Variants in TMLHE observed in about 807,000 individuals in gnomAD.
TMLHE encodes the protein trimethyllysine hydroxylase, epsilon.
A neutral mutation model predicts 25.7 loss-of-function variants in TMLHE; 18 were observed. The ratio of observed to expected loss-of-function variants is 0.70; its 90% CI spans 0.48 to 1.04. TMLHE has a LOEUF of 1.04. TMLHE is among the 50% of genes least tolerant of loss of function. The pLI is 0.00. For synonymous variants in TMLHE, 105 were observed against 97.0 expected, an observed-to-expected ratio of 1.08 and a Z score of -0.49; for missense variants, 236 against 259.0, an observed-to-expected ratio of 0.91 and a Z score of 0.61.
At position 155,532,668 on chromosome X, in the gene TMLHE, CGTGTGTGTGTGT is replaced by C. The variant is rs33944459; in HGVS notation, c.182-8048_182-8037del. Among the ~76,000 whole-genome samples the C allele has an allele frequency of 8.0e-4, 69 of 86,092 alleles. No homozygotes were observed. In the East Asian group the frequency reaches 0.014, roughly 18 times the overall value. The allele number at this position is 86,092 out of a possible 115,157, so 74.8% of individuals were successfully genotyped here. On this transcript the variant is annotated intron_variant, in intron 2 of 7. Coordinates refer to ENST00000334398, the MANE Select transcript of TMLHE (RefSeq NM_018196.4). Reference sequence around the variant, plus strand: ...GGTGTGTGGAATAATATGCAAAATTCGTGTGTGTGTGTGTGTGTGTGTGTGTGTGTGTGTGTG... The same window carrying C: ...GGTGTGTGGAATAATATGCAAAATTCGTGTGTGTGTGTGTGTGTGTGTGTG...
At chrX:155,561,876 G>A (rs1208040794) in intron 1 of TMLHE, among the ~76,000 whole-genome samples, 1 of 62,899 alleles carries the variant, frequency 1.6e-5, no homozygotes, top group African/African-American at 3.5e-5. Context: ...CCACAGCCTT[G>A]AGCAGTTCTG....
intron 3 of TMLHE, among the ~76,000 whole-genome samples, chrX:155,522,536 C>T (rs1162814694): frequency 8.9e-6 from 1 of 112,200 alleles, no homozygotes; most frequent in Non-Finnish European, 1.9e-5. Flanking sequence ...TACCCTTTTA[C>T]AGCTACATCC....
intron 1 of TMLHE, among the ~76,000 whole-genome samples, chrX:155,561,604 C>T (rs1487949728): frequency 3.2e-5 from 2 of 61,808 alleles, no homozygotes; most frequent in African/African-American, 7.2e-5. Context: ...AGTCCAAAGT[C>T]TTATCGGACA....
intron 3 of TMLHE, among the ~76,000 whole-genome samples, 196 bp from the exon 4 acceptor site, chrX:155,514,461 T>C (rs782022229): frequency 2.7e-5 from 3 of 111,359 alleles, no homozygotes; most frequent in East Asian, 5.7e-4. Context: ...TATGCATGAA[T>C]AAATGAATGA....
intron 1 of TMLHE, among the ~76,000 whole-genome samples, chrX:155,552,075 T>C (rs1379902392): frequency 2.7e-5 from 3 of 109,810 alleles, no homozygotes; most frequent in African/African-American, 1.0e-4. Context: ...TTTGCAACGC[T>C]GGCATAAACC....
At chrX:155,573,881 C>G (rs1203265215) in intron 1 of TMLHE, among the ~76,000 whole-genome samples, 4 of 91,580 alleles carry the variant, frequency 4.4e-5, no homozygotes, top group Non-Finnish European at 6.4e-5. Context: ...ATAACTAATG[C>G]TAAATGACGA....
intron 2 of TMLHE, among the ~76,000 whole-genome samples, chrX:155,542,935 G>GGT (rs781984053): frequency 0.045 from 4,834 of 107,485 alleles, 263 homozygotes; most frequent in African/African-American, 0.15. Context: ...TATTTTAAGG[G>GGT]GTGTGTGTGT....
intron 1 of TMLHE, among the ~76,000 whole-genome samples, chrX:155,557,381 G>C (rs2067464800): frequency 8.9e-6 from 1 of 111,887 alleles, no homozygotes; most frequent in Non-Finnish European, 1.9e-5. Context: ...CTCCGTTTGG[G>C]GCCCCTCACT....
chrX:155,506,331 G>A lies in TMLHE; in HGVS notation c.995+567C>T, dbSNP rs2067075775. On this transcript the variant is annotated intron_variant, in intron 6 of 7. Transcript: ENST00000334398. ...GGAGATTGAGTTGATAAGACTGGTT[G>A]TGTAATATAAGGGAGAGGGAAAAAT... Among the ~76,000 whole-genome samples, 3 of 111,399 alleles carry A rather than the reference G, an allele frequency of 2.7e-5. No individual in the cohort carries two copies. In the South Asian group the frequency reaches 1.1e-3, roughly 42 times the overall value.
intron 1 of TMLHE, among the ~76,000 whole-genome samples, chrX:155,549,720 G>A (rs781783712): frequency 9.1e-6 from 1 of 109,735 alleles, no homozygotes; most frequent in Admixed American, 9.7e-5. Context: ...TATTTTATCA[G>A]ATTTATGCTG....
intron 2 of TMLHE, among the ~76,000 whole-genome samples, chrX:155,536,566 C>T (rs782481461): frequency 1.8e-5 from 2 of 111,564 alleles, no homozygotes; most frequent in East Asian, 5.6e-4. Context: ...TGACTGGAAT[C>T]CATTCTTGCC....
At chrX:155,536,524 T>C (rs1443472433) in intron 2 of TMLHE, among the ~76,000 whole-genome samples, 1 of 111,807 alleles carries the variant, frequency 8.9e-6, no homozygotes, top group East Asian at 2.8e-4. Flanking sequence ...CCCCTCATTT[T>C]AGTTAAGTTG....
chrX:155,508,454 T>C (rs1557332977), intron 5 of TMLHE, among the ~76,000 whole-genome samples: 1 of 110,760 alleles, frequency 9.0e-6, no homozygotes, highest in Admixed American at 9.6e-5. Flanking sequence ...TTAAAGATGT[T>C]TAAGGAAGAG....
chrX:155,514,189 G>T lies in TMLHE; in HGVS notation c.435C>A (p.Val145=), dbSNP rs373590599. ...CATTCCATAGTATTCTAGGCTGGAT[G>T]ACTTTTTGTTTCTGCCCTTCATAGC... ...KNSYEGQKQK[V]IQPRILWNAE... Residue 145 remains valine (V), a synonymous_variant, in exon 4 of 8, where the codon GTC becomes GTA. Coordinates refer to ENST00000334398, the MANE Select transcript of TMLHE (RefSeq NM_018196.4). 3 of 1,208,943 alleles carry T rather than the reference G, an allele frequency of 2.5e-6. No homozygotes were observed. The highest frequency in any genetic ancestry group is 3.4e-6 in the Non-Finnish European group (3 of 894,621).
At chrX:155,591,775 G>C (rs1250769153) in intron 1 of TMLHE, among the ~76,000 whole-genome samples, 1 of 111,477 alleles carries the variant, frequency 9.0e-6, no homozygotes, top group Admixed American at 9.5e-5. Context: ...AGCCATTATG[G>C]AAAACATTGT....
At chrX:155,547,302 G>T (rs1169748110) in intron 1 of TMLHE, among the ~76,000 whole-genome samples, 4 of 97,497 alleles carry the variant, frequency 4.1e-5, no homozygotes, top group African/African-American at 1.1e-4. Context: ...CTGCCACCAC[G>T]CCCGGCTAAT....
At chrX:155,548,461 C>T (rs180945405) in intron 1 of TMLHE, among the ~76,000 whole-genome samples, 6,615 of 110,753 alleles carry the variant, frequency 0.06, 268 homozygotes, top group East Asian at 0.21. Context: ...ACAGGCTGGG[C>T]ACGGTGGCTC....
chrX:155,580,643 C>T (rs1215810907), intron 1 of TMLHE, among the ~76,000 whole-genome samples: 8 of 111,864 alleles, frequency 7.2e-5, no homozygotes, highest in African/African-American at 2.6e-4. Context: ...TTCCACGTGG[C>T]TGGGGAGGCC....
At chrX:155,586,854 T>C (rs1603088435) in intron 1 of TMLHE, among the ~76,000 whole-genome samples, 1 of 111,830 alleles carries the variant, frequency 8.9e-6, no homozygotes. Flanking sequence ...TAACAAGTAG[T>C]GAGATTGAAC....
Sources: gnomAD v4.1 joint callset for allele counts (sites outside exome capture counted in the v4.1 genomes callset) on GRCh38, gnomAD v4.1.1 for gene constraint, MANE v1.5 for transcripts, NCBI Gene and HGNC (gene_info 2026-07-23, HGNC 2026-07-21) for gene names.